Variants in SYT9 observed in about 807,000 individuals in gnomAD.
SYT9 encodes the protein synaptotagmin-9.
Under a neutral mutation model 48.4 loss-of-function variants are expected in SYT9, and 22 were observed. The observed-to-expected ratio is 0.45, with a 90% CI of 0.32 to 0.65. SYT9 has a LOEUF of 0.65. Ranked by LOEUF, SYT9 falls within the 30% of genes least tolerant of loss-of-function variation. SYT9 has a pLI of 0.03. For missense variants in SYT9, 577 were observed against 622.0 expected, an observed-to-expected ratio of 0.93 and a Z score of 0.77; for synonymous variants, 265 against 245.0, an observed-to-expected ratio of 1.08 and a Z score of -0.76.
At position 7,379,514 on chromosome 11, in the gene SYT9, G is replaced by C. The variant is rs1448199408; in HGVS notation, c.1045-36528G>C. 2.0e-5 allele frequency among the ~76,000 whole-genome samples: 3 copies of C among 152,094 alleles called. No individual in the cohort carries two copies. In the East Asian group the frequency reaches 5.8e-4, roughly 29 times the overall value. On this transcript the variant is annotated intron_variant, in intron 3 of 6. Transcript: ENST00000318881. ...GATTGTGGTTTTAGACTGTGATAGA[G>C]AAGAATATTCTAAATCTTCTTGTGT...
At chr11:7,449,355 G>C (rs1424001244) in intron 6 of SYT9, among the ~76,000 whole-genome samples, 1 of 145,966 alleles carries the variant, frequency 6.9e-6, no homozygotes, top group Non-Finnish European at 1.5e-5. Context: ...AAAAAATGGA[G>C]CAAAAGCGAC....
intron 3 of SYT9, among the ~76,000 whole-genome samples, chr11:7,364,178 T>C (rs1222181015): frequency 1.3e-5 from 2 of 152,102 alleles, no homozygotes; most frequent in Non-Finnish European, 2.9e-5. Context: ...AGAAGCAACA[T>C]TGAAAGAGGC....
intron 1 of SYT9, among the ~76,000 whole-genome samples, chr11:7,266,706 A>G (rs1848190868): frequency 6.6e-6 from 1 of 152,112 alleles, no homozygotes; most frequent in Non-Finnish European, 1.5e-5. Flanking sequence ...TGGGCAGAGT[A>G]ACAAAACAGG....
intron 3 of SYT9, among the ~76,000 whole-genome samples, chr11:7,353,271 G>A (rs1319689897): frequency 6.6e-6 from 1 of 151,978 alleles, no homozygotes; most frequent in Non-Finnish European, 1.5e-5. Flanking sequence ...GCTTCTGCAG[G>A]GAGGCACACT....
At chr11:7,344,215 C>T (rs569509291) in intron 3 of SYT9, among the ~76,000 whole-genome samples, 1 of 152,280 alleles carries the variant, frequency 6.6e-6, no homozygotes, top group Non-Finnish European at 1.5e-5. Flanking sequence ...CAGCCCAGTT[C>T]CCCTAGTCTC....
chr11:7,279,464 A>G (rs967841181), intron 1 of SYT9, among the ~76,000 whole-genome samples: 7 of 152,324 alleles, frequency 4.6e-5, no homozygotes, highest in African/African-American at 1.2e-4. Flanking sequence ...GGAGCCACAT[A>G]GAATCTGCTT....
intron 3 of SYT9, among the ~76,000 whole-genome samples, chr11:7,374,204 G>C (rs758685497): frequency 6.6e-6 from 1 of 152,084 alleles, no homozygotes; most frequent in Non-Finnish European, 1.5e-5. Flanking sequence ...AGTTTGCTGA[G>C]AATGATGGTT....
chr11:7,257,065 C>T (rs1847985430), intron 1 of SYT9, among the ~76,000 whole-genome samples: 1 of 152,144 alleles, frequency 6.6e-6, no homozygotes, highest in Admixed American at 6.6e-5. Flanking sequence ...ATCACAGTCT[C>T]TGGGAAATGG....
intron 3 of SYT9, among the ~76,000 whole-genome samples, chr11:7,398,937 ATGTG>A (rs1283564813): frequency 5.3e-5 from 6 of 113,562 alleles, no homozygotes; most frequent in African/African-American, 1.7e-4. Flanking sequence ...ATACAGTATC[ATGTG>A]TGCAGGCTAG....
chr11:7,261,113 A>G (rs1413804700), intron 1 of SYT9, among the ~76,000 whole-genome samples: 1 of 152,200 alleles, frequency 6.6e-6, no homozygotes, highest in Non-Finnish European at 1.5e-5. Flanking sequence ...TTTAAAAAAT[A>G]ATTGAATTGA....
At position 7,246,266 on chromosome 11, in the gene SYT9, T is replaced by C. The variant is rs544376027; in HGVS notation, c.49+7350T>C. On this transcript the variant is annotated intron_variant and NMD_transcript_variant, in intron 1 of 8. Coordinates refer to the SYT9 transcript ENST00000524820. The stretch of plus-strand genomic sequence containing the variant: ...CCTAGTCCCTTACCCCCATGTGCTG[T>C]AAAAAGTTCACTTTCTATCTATGCC... Among the ~76,000 whole-genome samples the C allele has an allele frequency of 2.5e-4, 38 of 152,310 alleles. 1 individual carries two copies. Among genetic ancestry groups the C allele is most frequent in the African/African-American group, 8.9e-4 (37 of 41,564 alleles).
At chr11:7,400,274 G>C (rs191588985) in intron 3 of SYT9, among the ~76,000 whole-genome samples, 1 of 152,168 alleles carries the variant, frequency 6.6e-6, no homozygotes. Flanking sequence ...CACAACTTCT[G>C]TCCTGTAACT....
chr11:7,466,965 A>T lies in SYT9; in HGVS notation c.*165A>T. The T allele has an allele frequency of 1.2e-6, 1 of 844,490 alleles. No homozygotes were observed. The highest frequency in any genetic ancestry group is 1.9e-6 in the Non-Finnish European group (1 of 529,122). The allele number at this position is 844,490 out of a possible 1,614,324, so 52.3% of individuals were successfully genotyped here. On this transcript the variant is annotated 3_prime_UTR_variant, in exon 7 of 7. Coordinates refer to ENST00000318881, the MANE Select transcript of SYT9 (RefSeq NM_175733.4). ...CCTTCTTTCCAGATTGGGTTTGGTGAACCTGAATGGTCCAGCCACCTTCTG... is the reference window on the plus strand; with the variant it reads ...CCTTCTTTCCAGATTGGGTTTGGTGTACCTGAATGGTCCAGCCACCTTCTG...
chr11:7,332,460 A>G (rs1424613585), intron 3 of SYT9, among the ~76,000 whole-genome samples: 1 of 152,214 alleles, frequency 6.6e-6, no homozygotes, highest in Non-Finnish European at 1.5e-5. Flanking sequence ...GGCAGGGAAC[A>G]ATAGGGTCTA....
At chr11:7,457,591 T>C (rs35719833) in intron 6 of SYT9, 1 of 152,164 alleles carries the variant, frequency 6.6e-6, no homozygotes, top group Non-Finnish European at 1.5e-5. Context: ...AAATTCTCCA[T>C]GTCAATTTTT....
chr11:7,420,653 A>C lies in SYT9; in HGVS notation c.1467+18A>C, dbSNP rs1370188717. 2 of 1,613,996 alleles carry C rather than the reference A, an allele frequency of 1.2e-6. No homozygotes were observed. Among genetic ancestry groups the C allele is most frequent in the East Asian group, 2.2e-5 (1 of 44,878 alleles). On this transcript the variant is annotated intron_variant, in intron 6 of 6. Coordinates refer to ENST00000318881, the MANE Select transcript of SYT9 (RefSeq NM_175733.4). ...TGGTGGAGGTAAGACCCTAATCCACATGCTCCACTTTGCATAAGAGTAAAT... is the reference window on the plus strand; with the variant it reads ...TGGTGGAGGTAAGACCCTAATCCACCTGCTCCACTTTGCATAAGAGTAAAT...
At chr11:7,437,513 C>T (rs1430476488) in intron 6 of SYT9, 2 of 152,100 alleles carry the variant, frequency 1.3e-5, no homozygotes, top group African/African-American at 4.8e-5. Context: ...TCAATAAACA[C>T]TGTGTGATAT....
chr11:7,351,505 A>G (rs1228153197), intron 3 of SYT9, among the ~76,000 whole-genome samples: 2 of 152,174 alleles, frequency 1.3e-5, no homozygotes, highest in Non-Finnish European at 2.9e-5. Context: ...CAGACTGCTC[A>G]TTCCCTGCCC....
At chr11:7,291,372 A>T (rs1848694014) in intron 1 of SYT9, among the ~76,000 whole-genome samples, 1 of 152,224 alleles carries the variant, frequency 6.6e-6, no homozygotes, top group Non-Finnish European at 1.5e-5. Flanking sequence ...TCTAAAGGGC[A>T]GCACATATAA....
Sources: gnomAD v4.1 joint callset for allele counts (sites outside exome capture counted in the v4.1 genomes callset) on GRCh38, gnomAD v4.1.1 for gene constraint, MANE v1.5 for transcripts, NCBI Gene and HGNC (gene_info 2026-07-23, HGNC 2026-07-21) for gene names.